DNM3: variants seen among roughly 807,000 people sequenced by gnomAD.
DNM3 encodes dynamin-3.
In DNM3, 47 loss-of-function variants were observed where a neutral mutation model predicts 101.6. The observed-to-expected ratio is 0.46, with a 90% CI of 0.37 to 0.59. The LOEUF (loss-of-function observed/expected upper bound fraction) is 0.59. DNM3 is among the 20% of genes least tolerant of loss of function. The pLI, the probability that DNM3 is intolerant of heterozygous loss-of-function variation, is 0.00. For synonymous variants in DNM3, 385 were observed against 387.9 expected (o/e 0.99, Z 0.09); for missense variants, 849 against 1,085.7 (o/e 0.78, Z 3.06).
intron 14 of DNM3, among the ~76,000 whole-genome samples, chr1:172,147,029 G>A (rs1315686473): frequency 6.6e-6 from 1 of 152,096 alleles, no homozygotes; most frequent in Admixed American, 6.6e-5. Flanking sequence ...TATAGAAATT[G>A]AGTTCCCCTT....
intron 16 of DNM3, among the ~76,000 whole-genome samples, chr1:172,319,163 G>A (rs2065563778): frequency 3.3e-5 from 5 of 152,160 alleles, no homozygotes; most frequent in Admixed American, 3.3e-4. Flanking sequence ...AATAAATGGT[G>A]CTGGGAAAAC....
intron 14 of DNM3, among the ~76,000 whole-genome samples, chr1:172,216,689 T>A (rs986857977): frequency 2.0e-5 from 3 of 152,106 alleles, no homozygotes; most frequent in Admixed American, 6.6e-5. Flanking sequence ...CTTCTGTGAT[T>A]GCTAAAGTTT....
chr1:172,202,430 T>C (rs916483556), intron 14 of DNM3, among the ~76,000 whole-genome samples: 2 of 152,274 alleles, frequency 1.3e-5, no homozygotes, highest in Non-Finnish European at 2.9e-5. Flanking sequence ...TTATGTGAGT[T>C]TTACTAGATT....
intron 4 of DNM3, among the ~76,000 whole-genome samples, chr1:172,008,872 ATAT>A (rs891399911): frequency 3.6e-4 from 50 of 139,150 alleles, no homozygotes; most frequent in African/African-American, 1.1e-3. Context: ...TATATAAATA[ATAT>A]TAATATATTA....
At chr1:172,096,496 G>A (rs2054253017) in intron 13 of DNM3, among the ~76,000 whole-genome samples, 1 of 152,126 alleles carries the variant, frequency 6.6e-6, no homozygotes, top group Non-Finnish European at 1.5e-5. Context: ...ATATTAAGTA[G>A]GAAGAATCCA....
At chr1:171,956,230 A>C (rs1047247040) in intron 2 of DNM3, among the ~76,000 whole-genome samples, 13 of 152,220 alleles carry the variant, frequency 8.5e-5, no homozygotes, top group Non-Finnish European at 1.5e-4. Flanking sequence ...CATCTGAGAC[A>C]AGGCGAGTCC....
intron 2 of DNM3, among the ~76,000 whole-genome samples, chr1:171,925,165 T>C (rs998437724): frequency 6.6e-6 from 1 of 152,086 alleles, no homozygotes; most frequent in African/African-American, 2.4e-5. Context: ...TCTCCCAAAG[T>C]GTTGGGATTA....
intron 4 of DNM3, among the ~76,000 whole-genome samples, chr1:172,020,095 C>T (rs1001894356): frequency 1.3e-5 from 2 of 151,996 alleles, no homozygotes; most frequent in African/African-American, 4.8e-5. Flanking sequence ...GGGTACAAGG[C>T]ATTGTGGTTA....
At chr1:172,140,192 T>C (rs1326705248) in intron 14 of DNM3, 1 of 152,084 alleles carries the variant, frequency 6.6e-6, no homozygotes, top group East Asian at 1.9e-4. Flanking sequence ...ATCTGGACTT[T>C]TATGCAGTGA....
chr1:172,051,164 T>C (rs2050179773), intron 10 of DNM3, among the ~76,000 whole-genome samples: 1 of 152,220 alleles, frequency 6.6e-6, no homozygotes, highest in Non-Finnish European at 1.5e-5. Context: ...CAGCCTAAAC[T>C]GGAAAAATCT....
chr1:172,195,756 C>G (rs1451439809), intron 14 of DNM3, among the ~76,000 whole-genome samples: 2 of 151,806 alleles, frequency 1.3e-5, no homozygotes, highest in African/African-American at 4.8e-5. Flanking sequence ...TCCTAGCATA[C>G]CTGGAATAAA....
At chr1:172,364,981 T>G (rs951845759) in intron 17 of DNM3, among the ~76,000 whole-genome samples, 1 of 151,876 alleles carries the variant, frequency 6.6e-6, no homozygotes, top group Non-Finnish European at 1.5e-5. Context: ...CTGAGCCAAT[T>G]AAACCTCTTT....
intron 1 of DNM3, among the ~76,000 whole-genome samples, chr1:171,910,067 T>A (rs904264508): frequency 1.3e-5 from 2 of 152,244 alleles, no homozygotes; most frequent in African/African-American, 4.8e-5. Context: ...TAACCTTTTC[T>A]CATGGAAGAC....
chr1:172,079,853 T>G (rs1227174079), intron 11 of DNM3, among the ~76,000 whole-genome samples: 1 of 152,178 alleles, frequency 6.6e-6, no homozygotes, highest in Non-Finnish European at 1.5e-5. Flanking sequence ...TTCTGTTTGT[T>G]AGTTTTCCTT....
intron 4 of DNM3, among the ~76,000 whole-genome samples, chr1:171,993,029 C>T (rs2045741505): frequency 6.6e-6 from 1 of 151,990 alleles, no homozygotes; most frequent in Non-Finnish European, 1.5e-5. Context: ...CTATTATTGT[C>T]ATACAAATCA....
At chr1:172,007,980 T>C (rs1002610771) in intron 4 of DNM3, among the ~76,000 whole-genome samples, 1 of 152,044 alleles carries the variant, frequency 6.6e-6, no homozygotes, top group Non-Finnish European at 1.5e-5. Context: ...TTTTCATATA[T>C]CAGTTAGCTA....
chr1:172,271,724 C>G (rs552195549), intron 15 of DNM3, among the ~76,000 whole-genome samples: 8 of 152,114 alleles, frequency 5.3e-5, no homozygotes, highest in Non-Finnish European at 8.8e-5. Context: ...TATTCTGCTA[C>G]ACTGATTCAT....
intron 13 of DNM3, among the ~76,000 whole-genome samples, chr1:172,096,179 A>G (rs1421296638): frequency 6.6e-6 from 1 of 152,166 alleles, no homozygotes; most frequent in Non-Finnish European, 1.5e-5. Flanking sequence ...TCCCTTCCCA[A>G]TGTCTTTCAC....
At chr1:171,923,163 G>A (rs887931869) in intron 2 of DNM3, among the ~76,000 whole-genome samples, 7 of 152,136 alleles carry the variant, frequency 4.6e-5, no homozygotes, top group Non-Finnish European at 1.0e-4. Flanking sequence ...CATTCCTACC[G>A]GCAGTGTATG....
Sources: allele counts gnomAD v4.1 joint callset (sites outside exome capture counted in the v4.1 genomes callset), GRCh38; gene constraint gnomAD v4.1.1; transcripts MANE v1.5; gene names NCBI Gene and HGNC (gene_info 2026-07-23, HGNC 2026-07-21).